The following DOCK10 variants were observed in gnomAD, a reference collection of about 807,000 sequenced individuals.
DOCK10 encodes dedicator of cytokinesis 10, also known as dedicator of cytokinesis protein 10.
In DOCK10, 145 loss-of-function variants were observed where a neutral mutation model predicts 280.1. That is an observed-to-expected ratio of 0.52 (90% CI 0.45 to 0.59). DOCK10 has a LOEUF of 0.59. Ranked by LOEUF, DOCK10 falls within the 20% of genes least tolerant of loss-of-function variation. DOCK10 has a pLI of 0.00. For synonymous variants in DOCK10, 915 were observed against 942.2 expected, an observed-to-expected ratio of 0.97 and a Z score of 0.53; for missense variants, 2,368 against 2,651.7, an observed-to-expected ratio of 0.89 and a Z score of 2.35.
chr2:224,910,975 C>CT (rs200837568), intron 3 of DOCK10, among the ~76,000 whole-genome samples: 72 of 103,220 alleles, frequency 7.0e-4, no homozygotes, highest in South Asian at 2.9e-3. Context: ...TTTCTCTCTC[C>CT]CTTTTTTTTT....
rs571530225 is a variant in DOCK10, at chr2:224,823,701, G to A, written c.3037-54C>T. On this transcript the variant is annotated intron_variant, in intron 27 of 55. Coordinates refer to ENST00000258390, the MANE Select transcript of DOCK10 (RefSeq NM_014689.3). ...AATGTGGCATGTGAAATATTAAGCCGAGGAAGTATCAACTGAAATATTTAC... is the reference window on the plus strand; with the variant it reads ...AATGTGGCATGTGAAATATTAAGCCAAGGAAGTATCAACTGAAATATTTAC... 1.3e-4 allele frequency: 194 copies of A among 1,467,726 alleles called. 1 individual carries two copies. In the East Asian group the frequency reaches 2.2e-3, roughly 16 times the overall value. 90.9% of individuals were successfully genotyped at this position (1,467,726 alleles called of 1,614,324 possible).
chr2:225,001,220 T>G (rs971944565), intron 1 of DOCK10, among the ~76,000 whole-genome samples: 1 of 151,856 alleles, frequency 6.6e-6, no homozygotes, highest in South Asian at 2.1e-4. Flanking sequence ...ATAGATGAAC[T>G]AGCAGGTAGG....
intron 1 of DOCK10, among the ~76,000 whole-genome samples, chr2:225,037,564 T>A (rs1316408984): frequency 1.3e-5 from 2 of 152,216 alleles, no homozygotes; most frequent in Non-Finnish European, 2.9e-5. Context: ...CCATATCAGT[T>A]ACTTAACTTA....
intron 1 of DOCK10, among the ~76,000 whole-genome samples, chr2:225,024,309 G>C (rs183768656): frequency 1.1e-3 from 173 of 152,088 alleles, no homozygotes; most frequent in African/African-American, 4.1e-3. Context: ...TCTTGATCTT[G>C]GTCATTATAT....
At chr2:224,935,209 G>C (rs1256526331) in intron 1 of DOCK10, among the ~76,000 whole-genome samples, 1 of 152,150 alleles carries the variant, frequency 6.6e-6, no homozygotes, top group Non-Finnish European at 1.5e-5. Flanking sequence ...ATCTCAATTG[G>C]TTTGAAACAA....
rs372688885 is a variant in DOCK10, at chr2:224,835,157, C to A, written c.2851-894G>T. 9.6e-4 allele frequency among the ~76,000 whole-genome samples: 146 copies of A among 152,274 alleles called. 3 individuals carry two copies. The South Asian group carries it at 0.029, about 30-fold the overall frequency. On this transcript the variant is annotated intron_variant, in intron 25 of 55. Coordinates refer to ENST00000258390, the MANE Select transcript of DOCK10 (RefSeq NM_014689.3). ...TGGGATTTGACTTCTCCAAGCTCAT[C>A]TCAAAGGAGAAAGATGAAGTTAATG...
chr2:224,871,565 T>C (rs555379603), intron 11 of DOCK10, among the ~76,000 whole-genome samples: 1 of 152,330 alleles, frequency 6.6e-6, no homozygotes, highest in Non-Finnish European at 1.5e-5. Flanking sequence ...TACTATGGCT[T>C]AAGGCCCTAC....
chr2:224,815,040 T>G (rs1694034610), intron 30 of DOCK10, among the ~76,000 whole-genome samples: 2 of 152,162 alleles, frequency 1.3e-5, no homozygotes, highest in African/African-American at 4.8e-5. Context: ...CCACCCAAAT[T>G]TCATCTTGAA....
chr2:224,811,653 G>T (rs1250036028), intron 31 of DOCK10, among the ~76,000 whole-genome samples: 1 of 152,034 alleles, frequency 6.6e-6, no homozygotes, highest in African/African-American at 2.4e-5. Flanking sequence ...ATCTTGAATT[G>T]ATTTTTGTAT....
intron 27 of DOCK10, among the ~76,000 whole-genome samples, chr2:224,824,475 C>T (rs971025806): frequency 3.6e-5 from 4 of 111,374 alleles, no homozygotes; most frequent in East Asian, 2.5e-4. Context: ...CTTTCTGTGT[C>T]ACCCAGATTG....
intron 11 of DOCK10, 117 bp from the exon 12 acceptor site, chr2:224,865,204 C>T (rs1697825784): frequency 3.2e-6 from 3 of 950,366 alleles, no homozygotes; most frequent in Non-Finnish European, 4.7e-6. Context: ...GGCAAGCTCC[C>T]CTTGACTCAG....
At chr2:224,873,845 T>TGTAATGTGG in intron 11 of DOCK10, 151 bp downstream of exon 11, 1 of 740,784 alleles carries the variant, frequency 1.3e-6, no homozygotes. Context: ...TGTACACTTG[T>TGTAATGTGG]GTAATGTGGG....
Position 224,794,960 on chromosome 2 carries a change from G to T in DOCK10, c.5073C>A (p.Ser1691=), listed in dbSNP as rs1176835982. The T allele has an allele frequency of 6.2e-7, 1 of 1,613,768 alleles. No individual in the cohort carries two copies. The highest frequency in any genetic ancestry group is 8.5e-7 in the Non-Finnish European group (1 of 1,179,852). ...LVDLQYSLAN[S]YASTPELRRT... ...TGCGTAGTTCAGGAGTGCTTGCGTA[G>T]GAGTTTGCCAGGCTGTACTGGAGAT... The change falls in exon 45 of 56, where the codon TCC becomes TCA. Residue 1691 remains serine (S), a synonymous_variant. Coordinates refer to ENST00000258390, the MANE Select transcript of DOCK10 (RefSeq NM_014689.3).
chr2:224,967,597 C>A (rs1326829103), intron 1 of DOCK10, among the ~76,000 whole-genome samples: 1 of 152,004 alleles, frequency 6.6e-6, no homozygotes, highest in Non-Finnish European at 1.5e-5. Flanking sequence ...GCCTCCTTAC[C>A]AAATCGCACC....
At chr2:224,922,144 G>A (rs886478446) in intron 2 of DOCK10, among the ~76,000 whole-genome samples, 16 of 135,076 alleles carry the variant, frequency 1.2e-4, no homozygotes, top group Middle Eastern at 4.0e-3. Context: ...AAAAAAAAAA[G>A]TGCAAGGACT....
Position 224,970,555 on chromosome 2 carries a change from A to C in DOCK10, c.124-38887T>G, listed in dbSNP as rs1705024471. ...GATAGATGTCTGTTCCCAAAATAGAATTCTATAAACCCTTCAATCCGAAGA... is the reference window on the plus strand; with the variant it reads ...GATAGATGTCTGTTCCCAAAATAGACTTCTATAAACCCTTCAATCCGAAGA... On this transcript the variant is annotated intron_variant, in intron 1 of 55. Coordinates refer to ENST00000258390, the MANE Select transcript of DOCK10 (RefSeq NM_014689.3). The surrounding 1 kb of genome is among the most constrained non-coding windows in gnomAD (Gnocchi z 4.6). Among the ~76,000 whole-genome samples, 1 of 152,168 alleles carries C rather than the reference A, an allele frequency of 6.6e-6. No homozygotes were observed. Among genetic ancestry groups the C allele is most frequent in the African/African-American group, 2.4e-5 (1 of 41,436 alleles).
chr2:224,979,188 T>C (rs1705616570), intron 1 of DOCK10, among the ~76,000 whole-genome samples: 1 of 152,214 alleles, frequency 6.6e-6, no homozygotes, highest in South Asian at 2.1e-4. Flanking sequence ...ATAGTTAATA[T>C]AACACTCACT....
intron 1 of DOCK10, among the ~76,000 whole-genome samples, chr2:224,997,650 C>T (rs2126279346): frequency 6.6e-6 from 1 of 152,202 alleles, no homozygotes; most frequent in South Asian, 2.1e-4. Context: ...AATGTACCTG[C>T]TGATGGAGGG....
At chr2:224,957,810 G>A (rs1413329204) in intron 1 of DOCK10, among the ~76,000 whole-genome samples, 1 of 152,168 alleles carries the variant, frequency 6.6e-6, no homozygotes, top group African/African-American at 2.4e-5. Flanking sequence ...GTTCTGGGAC[G>A]TCTCTATTAA....
Sources: gnomAD v4.1 joint callset for allele counts (sites outside exome capture counted in the v4.1 genomes callset) on GRCh38, gnomAD v4.1.1 for gene constraint, Gnocchi (gnomAD v3.1) non-coding constraint, MANE v1.5 for transcripts, NCBI Gene and HGNC (gene_info 2026-07-23, HGNC 2026-07-21) for gene names.